RMDN2: variants seen among roughly 807,000 people sequenced by gnomAD.
The protein encoded by RMDN2 is regulator of microtubule dynamics 2.
A neutral mutation model predicts 52.8 loss-of-function variants in RMDN2; 61 were observed. That is an observed-to-expected ratio of 1.16 (90% CI 0.94 to 1.43). The LOEUF is 1.43. Ranked by LOEUF, RMDN2 falls within the 40% of genes most tolerant of loss-of-function variation. The probability of loss-of-function intolerance (pLI) is 0.00; values close to 1 mark genes in which losing one functional copy is unlikely to be tolerated. For synonymous variants in RMDN2, 180 were observed against 153.1 expected (o/e 1.18, Z -1.30); for missense variants, 592 against 475.3 (o/e 1.25, Z -2.28).
chr2:37,951,507 A>T (rs1373554696), intron 2 of RMDN2: 1 of 1,611,966 alleles, frequency 6.2e-7, no homozygotes, highest in Non-Finnish European at 8.5e-7. Flanking sequence ...AAGTAGAGCT[A>T]ACTTTGATTC....
downstream of RMDN2, among the ~76,000 whole-genome samples, chr2:38,020,329 A>G (rs968971834): frequency 6.6e-6 from 1 of 151,430 alleles, no homozygotes. Context: ...CCTATCAGGC[A>G]TTGATTCTCA....
chr2:37,941,166 G>A (rs1667751601), intron 2 of RMDN2, among the ~76,000 whole-genome samples: 2 of 152,192 alleles, frequency 1.3e-5, no homozygotes. Context: ...CTGCAGGTCT[G>A]CTGGAGTTTG....
intron 10 of RMDN2, among the ~76,000 whole-genome samples, chr2:38,059,509 AATC>A (rs1223774118): frequency 1.3e-5 from 2 of 152,208 alleles, no homozygotes; most frequent in African/African-American, 4.8e-5. Flanking sequence ...ACAGACAGTA[AATC>A]ATCATCAAAA....
chr2:37,927,115 G>A (rs967334366), intron 1 of RMDN2, among the ~76,000 whole-genome samples: 3 of 152,080 alleles, frequency 2.0e-5, no homozygotes, highest in Admixed American at 1.3e-4. Flanking sequence ...GTCTTTAATT[G>A]TGTTTGTTTA....
chr2:38,007,374 G>C (rs957932457), intron 10 of RMDN2, among the ~76,000 whole-genome samples: 1 of 152,038 alleles, frequency 6.6e-6, no homozygotes, highest in Non-Finnish European at 1.5e-5. Context: ...TTATTGCCTC[G>C]ATTTCAGAGC....
intron 10 of RMDN2, among the ~76,000 whole-genome samples, chr2:38,014,118 A>G (rs1678400440): frequency 6.6e-6 from 1 of 152,084 alleles, no homozygotes; most frequent in African/African-American, 2.4e-5. Context: ...AGGCCGAGGC[A>G]GGAGAATCTC....
chr2:37,947,008 T>C (rs1482619033), intron 2 of RMDN2, among the ~76,000 whole-genome samples: 1 of 152,234 alleles, frequency 6.6e-6, no homozygotes, highest in Non-Finnish European at 1.5e-5. Flanking sequence ...AGAATGCCTT[T>C]AGTAACTGCT....
intron 2 of RMDN2, among the ~76,000 whole-genome samples, chr2:37,956,486 C>G (rs1313020199): frequency 6.6e-6 from 1 of 151,958 alleles, no homozygotes; most frequent in Non-Finnish European, 1.5e-5. Flanking sequence ...GAAGGACAAA[C>G]TTGGTTTCAT....
intron 10 of RMDN2, among the ~76,000 whole-genome samples, chr2:38,045,975 C>T (rs1681250998): frequency 6.6e-6 from 1 of 152,198 alleles, no homozygotes; most frequent in South Asian, 2.1e-4. Flanking sequence ...AACAGAAAGA[C>T]AGACTACCCA....
At position 37,958,425 on chromosome 2, in the gene RMDN2, C is replaced by T. The variant is rs111901667; in HGVS notation, c.453-15615C>T. Among the ~76,000 whole-genome samples the T allele has an allele frequency of 2.6e-3, 374 of 145,806 alleles. 37 individuals carry two copies. The highest frequency in any genetic ancestry group is 9.9e-3 in the African/African-American group (349 of 35,394). ...TGTAGCAATTGTGAATGGGAGTTCA[C>T]TCATGATTTAGCTCTCTATTATTGG... On this transcript the variant is annotated intron_variant, in intron 2 of 10. Transcript: ENST00000354545.
At chr2:37,991,103 A>G in intron 6 of RMDN2, 117 bp from the exon 7 acceptor site, 1 of 454,320 alleles carries the variant, frequency 2.2e-6, no homozygotes, top group Non-Finnish European at 4.0e-6. Context: ...AATGATAGGG[A>G]TGGGGAGAAC....
chr2:38,040,809 A>C (rs967822847), intron 10 of RMDN2, among the ~76,000 whole-genome samples: 2 of 152,210 alleles, frequency 1.3e-5, no homozygotes, highest in African/African-American at 2.4e-5. Context: ...CAGGTTAGGA[A>C]AAATTAATAT....
intron 4 of RMDN2, among the ~76,000 whole-genome samples, chr2:37,979,546 T>C (rs968894569): frequency 6.6e-6 from 1 of 152,196 alleles, no homozygotes; most frequent in Non-Finnish European, 1.5e-5. Flanking sequence ...TTGATAAAAC[T>C]CAAAGTGAGT....
At chr2:37,974,457 A>T (rs1232073526) in intron 3 of RMDN2, among the ~76,000 whole-genome samples, 2 of 147,678 alleles carry the variant, frequency 1.4e-5, no homozygotes, top group African/African-American at 4.9e-5. Flanking sequence ...AACCAGAGCT[A>T]TAATTACGCA....
At chr2:37,995,191 A>T (rs936241032) in intron 7 of RMDN2, among the ~76,000 whole-genome samples, 3 of 152,158 alleles carry the variant, frequency 2.0e-5, no homozygotes, top group African/African-American at 4.8e-5. Context: ...TGACTGAGAA[A>T]CATAGAAAGT....
rs1678939721 is a variant in RMDN2 at position 38,017,297 on chromosome 2, A to G, written c.*58A>G. On this transcript the variant is annotated 3_prime_UTR_variant, in exon 11 of 11. Transcript: ENST00000354545. The stretch of plus-strand genomic sequence containing the variant: ...TGGTCTACCAAAATTTAAATGAATC[A>G]AAGTTGTGCTTTTATTATCCTTCAT... 2 of 1,472,548 alleles carry G rather than the reference A, an allele frequency of 1.4e-6. No individual in the cohort carries two copies. The highest frequency in any genetic ancestry group is 1.4e-5 in the African/African-American group (1 of 70,328). The allele number at this position is 1,472,548 out of a possible 1,614,324, so 91.2% of individuals were successfully genotyped here.
intron 10 of RMDN2, among the ~76,000 whole-genome samples, chr2:38,049,125 T>G (rs1219694867): frequency 6.6e-6 from 1 of 152,226 alleles, no homozygotes; most frequent in Admixed American, 6.5e-5. Flanking sequence ...GGCTATCAAA[T>G]GAGTCTAGTT....
chr2:38,056,289 A>G (rs568427601), intron 10 of RMDN2, among the ~76,000 whole-genome samples: 2 of 152,230 alleles, frequency 1.3e-5, no homozygotes, highest in South Asian at 4.1e-4. Flanking sequence ...TCCTCTATGG[A>G]GCCTTTCCTA....
At chr2:38,012,141 A>G (rs1678086632) in intron 10 of RMDN2, among the ~76,000 whole-genome samples, 1 of 152,146 alleles carries the variant, frequency 6.6e-6, no homozygotes, top group African/African-American at 2.4e-5. Context: ...CTTCACCCTT[A>G]GAACATACTG....
Sources: gnomAD v4.1 joint callset for allele counts (sites outside exome capture counted in the v4.1 genomes callset) on GRCh38, gnomAD v4.1.1 for gene constraint, MANE v1.5 for transcripts, NCBI Gene and HGNC (gene_info 2026-07-23, HGNC 2026-07-21) for gene names.